Variants in ANO4 observed in about 807,000 individuals in gnomAD.
ANO4 encodes anoctamin-4.
A neutral mutation model predicts 141.9 loss-of-function variants in ANO4; 69 were observed. The observed-to-expected ratio is 0.49, with a 90% CI of 0.40 to 0.59. The LOEUF is 0.59. Ranked by LOEUF, ANO4 falls within the 20% of genes least tolerant of loss-of-function variation. The pLI, the probability that ANO4 is intolerant of heterozygous loss-of-function variation, is 0.00. For missense variants in ANO4, 894 were observed against 1,162.2 expected, an observed-to-expected ratio of 0.77 and a Z score of 3.36; for synonymous variants, 350 against 394.3, an observed-to-expected ratio of 0.89 and a Z score of 1.33.
chr12:100,916,559 A>G (rs770695311), intron 2 of ANO4, among the ~76,000 whole-genome samples: 6 of 152,176 alleles, frequency 3.9e-5, no homozygotes, highest in East Asian at 1.9e-4. Context: ...GGTGCTCTCA[A>G]TGAGGAAGAA....
chr12:100,861,777 A>G (rs1003432079), intron 1 of ANO4, among the ~76,000 whole-genome samples: 1 of 152,226 alleles, frequency 6.6e-6, no homozygotes, highest in Non-Finnish European at 1.5e-5. Context: ...CACATTGCAC[A>G]GGTGTACAAA....
At chr12:101,083,926 T>C in intron 16 of ANO4, 108 bp downstream of exon 16, 1 of 1,083,420 alleles carries the variant, frequency 9.2e-7, no homozygotes. Flanking sequence ...TTTTGCACTT[T>C]GTTATTTATT....
At chr12:100,738,352 G>A (rs1482568932) in intron 2 of ANO4, among the ~76,000 whole-genome samples, 2 of 152,084 alleles carry the variant, frequency 1.3e-5, no homozygotes, top group Non-Finnish European at 2.9e-5. Flanking sequence ...CTTTTAAATT[G>A]AGACTCATCT....
chr12:100,860,630 A>T (rs1046580147), intron 1 of ANO4, among the ~76,000 whole-genome samples: 2 of 152,138 alleles, frequency 1.3e-5, no homozygotes, highest in Non-Finnish European at 2.9e-5. Flanking sequence ...ATTACCCAAA[A>T]TGCAATTCCC....
At chr12:100,916,330 TCTA>T (rs1184528739) in intron 2 of ANO4, among the ~76,000 whole-genome samples, 3 of 152,172 alleles carry the variant, frequency 2.0e-5, no homozygotes, top group Non-Finnish European at 4.4e-5. Flanking sequence ...TTCACAGTAA[TCTA>T]CTGATAACCT....
intron 8 of ANO4, among the ~76,000 whole-genome samples, chr12:101,004,178 A>G (rs1429172422): frequency 6.6e-6 from 1 of 151,990 alleles, no homozygotes; most frequent in African/African-American, 2.4e-5. Context: ...TAGTGTCGCA[A>G]AGGAAACACT....
chr12:100,942,184 T>C (rs1284078315), intron 4 of ANO4, among the ~76,000 whole-genome samples, 193 bp from the exon 5 acceptor site: 1 of 152,138 alleles, frequency 6.6e-6, no homozygotes, highest in Non-Finnish European at 1.5e-5. Flanking sequence ...TTTCACCATA[T>C]TGGCCAGGCT....
intron 14 of ANO4, among the ~76,000 whole-genome samples, chr12:101,053,091 A>G (rs2047939878): frequency 6.6e-6 from 1 of 152,244 alleles, no homozygotes; most frequent in South Asian, 2.1e-4. Flanking sequence ...CTGCTTTCAA[A>G]AATCTCAGTA....
At chr12:100,913,776 C>T (rs1051592710) in intron 2 of ANO4, among the ~76,000 whole-genome samples, 1 of 152,116 alleles carries the variant, frequency 6.6e-6, no homozygotes, top group Non-Finnish European at 1.5e-5. Context: ...TAATAGTGAG[C>T]TTTTATTTTG....
At chr12:100,908,542 A>G (rs141579791) in intron 2 of ANO4, among the ~76,000 whole-genome samples, 109 of 140,054 alleles carry the variant, frequency 7.8e-4, no homozygotes, top group African/African-American at 2.7e-3. Context: ...TAAAAAAAGT[A>G]TTTTTAAAAC....
chr12:100,847,957 T>A (rs958151807), intron 1 of ANO4, among the ~76,000 whole-genome samples: 21 of 152,298 alleles, frequency 1.4e-4, no homozygotes, highest in African/African-American at 4.6e-4. Context: ...CAGTTGAGAT[T>A]GTATGTGCTG....
chr12:101,024,482 G>A (rs923898288), intron 9 of ANO4, among the ~76,000 whole-genome samples: 19 of 152,048 alleles, frequency 1.2e-4, no homozygotes, highest in African/African-American at 4.6e-4. Context: ...TGTAATCCCA[G>A]CTACTTGGGA....
chr12:101,037,573 T>G (rs1195184030), intron 10 of ANO4, among the ~76,000 whole-genome samples: 2 of 152,148 alleles, frequency 1.3e-5, no homozygotes, highest in Admixed American at 6.6e-5. Flanking sequence ...AACCAACGGG[T>G]GACAAATAAA....
chr12:101,079,984 C>T (rs574365559), intron 15 of ANO4, among the ~76,000 whole-genome samples: 15 of 152,322 alleles, frequency 9.8e-5, no homozygotes, highest in Non-Finnish European at 5.9e-5. Flanking sequence ...GACCCTGCTT[C>T]CCTTGACAGT....
At chr12:101,022,272 T>G in intron 9 of ANO4, among the ~76,000 whole-genome samples, 1 of 152,200 alleles carries the variant, frequency 6.6e-6, no homozygotes, top group East Asian at 1.9e-4. Context: ...CATCCTTCCT[T>G]GAAACACATT....
chr12:101,021,150 G>T (rs1431273597), intron 9 of ANO4, among the ~76,000 whole-genome samples: 2 of 152,178 alleles, frequency 1.3e-5, no homozygotes, highest in African/African-American at 4.8e-5. Flanking sequence ...AGTGCAGTTT[G>T]CTGGGGGCTC....
chr12:100,994,477 G>A lies in ANO4; in HGVS notation c.734+6807G>A, dbSNP rs746239538. ...AAAAAGGAAATATGCAAGAAGAGTCGTGTTACTTTTTATAATAGATATACA... is the reference window on the plus strand; with the variant it reads ...AAAAAGGAAATATGCAAGAAGAGTCATGTTACTTTTTATAATAGATATACA... On this transcript the variant is annotated intron_variant, in intron 8 of 27. Transcript: ENST00000392977. Among the ~76,000 whole-genome samples the A allele has an allele frequency of 3.3e-4, 50 of 152,076 alleles. 1 individual carries two copies. Among genetic ancestry groups the A allele is most frequent in the Non-Finnish European group, 6.5e-4 (44 of 68,012 alleles).
chr12:100,933,114 T>C (rs2136143446), intron 3 of ANO4, among the ~76,000 whole-genome samples: 1 of 151,998 alleles, frequency 6.6e-6, no homozygotes, highest in East Asian at 1.9e-4. Flanking sequence ...CATTCTTTTT[T>C]TTTTTGCATT....
At chr12:100,837,725 A>G (rs2037008970) in intron 1 of ANO4, among the ~76,000 whole-genome samples, 1 of 149,848 alleles carries the variant, frequency 6.7e-6, no homozygotes, top group African/African-American at 2.4e-5. Flanking sequence ...GTCTCTAAAA[A>G]AAAAAAAAAA....
Sources: gnomAD v4.1 joint callset for allele counts (sites outside exome capture counted in the v4.1 genomes callset) on GRCh38, gnomAD v4.1.1 for gene constraint, MANE v1.5 for transcripts, NCBI Gene and HGNC (gene_info 2026-07-23, HGNC 2026-07-21) for gene names.